Variants in NSMCE2 observed in about 807,000 individuals in gnomAD.
The protein encoded by NSMCE2 is NSE2 SUMO ligase component of SMC5/6 complex, also known as E3 SUMO-protein ligase NSE2.
A neutral mutation model predicts 23.8 loss-of-function variants in NSMCE2; 24 were observed. The observed-to-expected ratio is 1.01, with a 90% CI of 0.73 to 1.42. The LOEUF (loss-of-function observed/expected upper bound fraction) is 1.42, where lower values mean the gene tolerates loss of function less well. Among genes scored for constraint, NSMCE2 ranks in the 40% most tolerant of loss-of-function variants. The pLI is 0.00. For missense variants in NSMCE2, 284 were observed against 296.5 expected, an observed-to-expected ratio of 0.96 and a Z score of 0.31; for synonymous variants, 92 against 94.1, an observed-to-expected ratio of 0.98 and a Z score of 0.13.
intron 3 of NSMCE2, among the ~76,000 whole-genome samples, chr8:125,111,793 G>A (rs146707755): frequency 1.3e-5 from 2 of 152,160 alleles, no homozygotes; most frequent in African/African-American, 4.8e-5. Flanking sequence ...GAGTGAGACC[G>A]TGTCTCAAAG....
intron 5 of NSMCE2, among the ~76,000 whole-genome samples, chr8:125,217,336 T>G (rs1025878588): frequency 1.3e-5 from 2 of 149,070 alleles, no homozygotes; most frequent in African/African-American, 4.9e-5. Flanking sequence ...TTTAAAAAAT[T>G]TTATTTATTT....
intron 5 of NSMCE2, among the ~76,000 whole-genome samples, chr8:125,283,792 AT>A (rs974369655): frequency 2.0e-5 from 3 of 152,180 alleles, no homozygotes; most frequent in Non-Finnish European, 2.9e-5. Context: ...CCCAGGGCCC[AT>A]TTTGCCTCTT....
At chr8:125,152,941 C>T (rs1563683126) in intron 4 of NSMCE2, among the ~76,000 whole-genome samples, 1 of 150,238 alleles carries the variant, frequency 6.7e-6, no homozygotes, top group East Asian at 2.0e-4. Flanking sequence ...CCTGTAATCC[C>T]AGATACTCAG....
At chr8:125,128,821 T>C (rs1193103201) in intron 3 of NSMCE2, among the ~76,000 whole-genome samples, 1 of 152,194 alleles carries the variant, frequency 6.6e-6, no homozygotes, top group African/African-American at 2.4e-5. Context: ...TTCTCTTTCA[T>C]TAATAACGGG....
At chr8:125,328,818 TA>T (rs1829771516) in intron 5 of NSMCE2, among the ~76,000 whole-genome samples, 1 of 150,826 alleles carries the variant, frequency 6.6e-6, no homozygotes, top group African/African-American at 2.4e-5. Context: ...GTTATAATCT[TA>T]AAATGTCACA....
intron 4 of NSMCE2, among the ~76,000 whole-genome samples, chr8:125,173,659 A>C (rs1182777868): frequency 6.6e-6 from 1 of 152,200 alleles, no homozygotes; most frequent in Non-Finnish European, 1.5e-5. Flanking sequence ...TATGGTGGAC[A>C]GGAAAGGCAG....
chr8:125,312,682 A>G (rs746886782), intron 5 of NSMCE2, among the ~76,000 whole-genome samples: 50 of 152,174 alleles, frequency 3.3e-4, no homozygotes, highest in Non-Finnish European at 4.7e-4. Context: ...TGCCACTAGA[A>G]CAAGGATAGC....
chr8:125,355,722 A>AAAAAAAAC (rs1208991192), intron 5 of NSMCE2, among the ~76,000 whole-genome samples: 1 of 149,880 alleles, frequency 6.7e-6, no homozygotes, highest in African/African-American at 2.5e-5. Flanking sequence ...AAAAAAAAAA[A>AAAAAAAAC]GCTATTGATC....
intron 5 of NSMCE2, among the ~76,000 whole-genome samples, chr8:125,240,388 G>T (rs2130977566): frequency 6.6e-6 from 1 of 152,320 alleles, no homozygotes; most frequent in South Asian, 2.1e-4. Context: ...CTCCCAAAGT[G>T]TTGGGATTCC....
Position 125,188,304 on chromosome 8 carries a change from G to C in NSMCE2, c.418+6048G>C, listed in dbSNP as rs541329956. Among the ~76,000 whole-genome samples the C allele has an allele frequency of 1.7e-4, 26 of 152,240 alleles. No individual in the cohort carries two copies. The South Asian group carries it at 2.3e-3, about 13-fold the overall frequency. Reference sequence around the variant, plus strand: ...ACAAGGGTAGTGGTTTTTATGTTTTGCTTACTGCTGTATTCCTTGAACTCC... The same window carrying C: ...ACAAGGGTAGTGGTTTTTATGTTTTCCTTACTGCTGTATTCCTTGAACTCC... On this transcript the variant is annotated intron_variant, in intron 5 of 7. Coordinates refer to ENST00000287437, the MANE Select transcript of NSMCE2 (RefSeq NM_173685.4).
At chr8:125,217,989 G>A (rs1000630277) in intron 5 of NSMCE2, among the ~76,000 whole-genome samples, 5 of 152,054 alleles carry the variant, frequency 3.3e-5, no homozygotes, top group Admixed American at 1.3e-4. Flanking sequence ...AAGTCTCTAC[G>A]CTATTTTAAT....
chr8:125,154,624 G>T (rs972284946), intron 4 of NSMCE2, among the ~76,000 whole-genome samples: 6 of 151,906 alleles, frequency 3.9e-5, no homozygotes, highest in Admixed American at 3.9e-4. Flanking sequence ...AAACTTTCAG[G>T]TTAAATGGGT....
chr8:125,103,934 A>C (rs113217937), intron 3 of NSMCE2, among the ~76,000 whole-genome samples: 3,096 of 147,560 alleles, frequency 0.021, 96 homozygotes, highest in African/African-American at 0.074. Context: ...ATATCCTTGT[A>C]TGTTAATTCT....
At chr8:125,153,781 A>C (rs1462574236) in intron 4 of NSMCE2, among the ~76,000 whole-genome samples, 1 of 152,238 alleles carries the variant, frequency 6.6e-6, no homozygotes, top group Non-Finnish European at 1.5e-5. Flanking sequence ...ATGCTTTGGC[A>C]TTCATCAAAT....
chr8:125,292,161 A>G (rs551677541), intron 5 of NSMCE2, among the ~76,000 whole-genome samples: 1 of 152,060 alleles, frequency 6.6e-6, no homozygotes, highest in South Asian at 2.1e-4. Flanking sequence ...AGAGAGTATT[A>G]GTGACTGTTC....
intron 4 of NSMCE2, among the ~76,000 whole-genome samples, chr8:125,168,371 CT>C: frequency 6.6e-6 from 1 of 152,294 alleles, no homozygotes; most frequent in Non-Finnish European, 1.5e-5. Context: ...TGTCTAGAGT[CT>C]TTTCTGCCAG....
chr8:125,243,353 G>A (rs1471231407), intron 5 of NSMCE2, among the ~76,000 whole-genome samples: 2 of 152,056 alleles, frequency 1.3e-5, no homozygotes, highest in African/African-American at 2.4e-5. Context: ...GTGTCATATC[G>A]AGAAATTTGG....
intron 5 of NSMCE2, among the ~76,000 whole-genome samples, chr8:125,286,334 A>G (rs1353524584): frequency 1.4e-5 from 2 of 143,982 alleles, no homozygotes; most frequent in Admixed American, 6.9e-5. Context: ...TTTTTTTGAG[A>G]TGGAGTCTCG....
chr8:125,302,836 T>C (rs1348345164), intron 5 of NSMCE2, among the ~76,000 whole-genome samples: 1 of 152,178 alleles, frequency 6.6e-6, no homozygotes, highest in Non-Finnish European at 1.5e-5. Context: ...AGCCTCCACT[T>C]GACCACTCTG....
Sources: allele counts gnomAD v4.1 joint callset (sites outside exome capture counted in the v4.1 genomes callset), GRCh38; gene constraint gnomAD v4.1.1; transcripts MANE v1.5; gene names NCBI Gene and HGNC (gene_info 2026-07-23, HGNC 2026-07-21).